Variants in ITGA2 observed in about 807,000 individuals in gnomAD.
ITGA2 encodes integrin subunit alpha 2, also known as integrin alpha-2.
In ITGA2, 101 loss-of-function variants were observed where a neutral mutation model predicts 146.3. The observed-to-expected ratio is 0.69, with a 90% CI of 0.59 to 0.81. The LOEUF is 0.81. ITGA2 is among the 40% of genes least tolerant of loss of function. The probability of loss-of-function intolerance (pLI) is 0.00; values close to 1 mark genes in which losing one functional copy is unlikely to be tolerated. For synonymous variants in ITGA2, 477 were observed against 487.1 expected, an observed-to-expected ratio of 0.98 and a Z score of 0.27; for missense variants, 1,281 against 1,402.7, an observed-to-expected ratio of 0.91 and a Z score of 1.39.
chr5:53,064,821 A>G (rs1005731475), intron 13 of ITGA2, 91 bp from the exon 14 acceptor site: 3 of 1,232,494 alleles, frequency 2.4e-6, no homozygotes, highest in South Asian at 1.2e-5. Context: ...TTGGGATTAC[A>G]GGCATGAGCC....
intron 29 of ITGA2, among the ~76,000 whole-genome samples, chr5:53,090,272 G>A (rs1336542670): frequency 6.6e-6 from 1 of 152,156 alleles, no homozygotes; most frequent in African/African-American, 2.4e-5. Context: ...CCAGAGCCCT[G>A]AATGTTTTGT....
In ITGA2 at chr5:53,048,623, T is replaced by C; in HGVS notation, c.503-20T>C. On this transcript the variant is annotated intron_variant, in intron 5 of 29. Coordinates refer to ENST00000296585, the MANE Select transcript of ITGA2 (RefSeq NM_002203.4). ...TGACTTACCTGTGGAAATCTGCTTC[T>C]TTCCTCTTTTCCTGTGTAGCCTGCC... 1.2e-6 allele frequency: 2 copies of C among 1,614,152 alleles called. No individual in the cohort carries two copies. Among genetic ancestry groups the C allele is most frequent in the Non-Finnish European group, 1.7e-6 (2 of 1,179,976 alleles).
chr5:53,005,744 T>C (rs1376497510), intron 1 of ITGA2, among the ~76,000 whole-genome samples: 1 of 152,194 alleles, frequency 6.6e-6, no homozygotes, highest in Non-Finnish European at 1.5e-5. Flanking sequence ...GAGAGTTTTA[T>C]ATGCATTGTC....
At chr5:53,012,799 G>A (rs1160465123) in intron 1 of ITGA2, among the ~76,000 whole-genome samples, 1 of 152,064 alleles carries the variant, frequency 6.6e-6, no homozygotes, top group Non-Finnish European at 1.5e-5. Context: ...TTGCTGACTG[G>A]TATGAGATGA....
Position 53,078,804 on chromosome 5 carries a change from C to A in ITGA2, c.2858C>A (p.Ser953Ter). 6.2e-7 allele frequency: 1 copy of A among 1,610,280 alleles called. No homozygotes were observed. The highest frequency in any genetic ancestry group is 1.1e-5 in the South Asian group (1 of 90,954). The stretch of plus-strand genomic sequence containing the variant: ...AACATAAATTTTTATGAAATCTCTT[C>A]GGATGGGAATGTTCCTTCAATCGTG... ...STNINFYEIS[S>*]DGNVPSIVHS... Residue 953 changes from serine to a stop codon, truncating the protein, a stop_gained, in exon 24 of 30, where the codon TCG (serine) becomes TAG (stop). Transcript: ENST00000296585. LOFTEE classifies it high-confidence loss of function.
intron 4 of ITGA2, among the ~76,000 whole-genome samples, chr5:53,045,313 GA>G (rs2111899063): frequency 6.6e-6 from 1 of 152,294 alleles, no homozygotes; most frequent in African/African-American, 2.4e-5. Flanking sequence ...ATGTTTTGAA[GA>G]AAAGGGAACA....
At chr5:52,997,111 C>T (rs2111673623) in intron 1 of ITGA2, among the ~76,000 whole-genome samples, 1 of 152,316 alleles carries the variant, frequency 6.6e-6, no homozygotes, top group South Asian at 2.1e-4. Flanking sequence ...ACGTAATTTA[C>T]ATTTTAGAAC....
chr5:53,076,192 G>T (rs1175650253), intron 23 of ITGA2, among the ~76,000 whole-genome samples: 1 of 151,920 alleles, frequency 6.6e-6, no homozygotes, highest in Non-Finnish European at 1.5e-5. Context: ...TTCTCTACCT[G>T]GTGAAGCAAT....
chr5:53,072,619 T>C lies in ITGA2; in HGVS notation c.2353T>C (p.Phe785Leu). The change falls in exon 19 of 30, where the codon TTC (phenylalanine) becomes CTC (leucine). Residue 785 changes from phenylalanine (F) to leucine (L), a missense_variant. This residue lies in a region of ITGA2 where 475 missense variants were observed against 530.5 expected (regional missense o/e 0.90). Coordinates refer to ENST00000296585, the MANE Select transcript of ITGA2 (RefSeq NM_002203.4). ...SETAKVFSIP[F>L]HKDCGEDGLC... ...CTTTTTTCCTTTTTCGTAGATTCCT[T>C]TCCACAAAGACTGTGGTGAGGACGG... is the stretch of plus-strand genomic sequence containing the variant. 1 of 1,610,088 alleles carries C rather than the reference T, an allele frequency of 6.2e-7. No individual in the cohort carries two copies. The highest frequency in any genetic ancestry group is 8.5e-7 in the Non-Finnish European group (1 of 1,177,884).
chr5:53,074,353 T>C (rs769339243), intron 20 of ITGA2, 32 bp from the exon 21 acceptor site: 1 of 1,568,378 alleles, frequency 6.4e-7, no homozygotes. Flanking sequence ...TGTATGCCAA[T>C]TGATCATTGT....
chr5:53,053,250 T>C (rs1265299414), intron 7 of ITGA2, among the ~76,000 whole-genome samples: 2 of 152,136 alleles, frequency 1.3e-5, no homozygotes, highest in African/African-American at 2.4e-5. Flanking sequence ...CTGGTGACAA[T>C]CCCAAATGTC....
At chr5:53,047,975 A>C (rs1026491745) in intron 4 of ITGA2, among the ~76,000 whole-genome samples, 2 of 152,218 alleles carry the variant, frequency 1.3e-5, no homozygotes, top group South Asian at 4.1e-4. Flanking sequence ...GGTTATCCTC[A>C]TTTTACAGAT....
rs761940327 is a variant in ITGA2 at position 53,055,707 on chromosome 5, C to T, written c.930+19C>T. 4 of 1,612,212 alleles carry T rather than the reference C, an allele frequency of 2.5e-6. No homozygotes were observed. On this transcript the variant is annotated intron_variant, in intron 8 of 29. Transcript: ENST00000296585. ...CATAGCAGTAAGTGGCTTTTCTTTT[C>T]ACTTGTCTTGCCGCTATTGGGTAAA... is the stretch of plus-strand genomic sequence containing the variant.
chr5:53,002,395 ATAAT>A (rs1432787705), intron 1 of ITGA2, among the ~76,000 whole-genome samples: 2 of 152,162 alleles, frequency 1.3e-5, no homozygotes, highest in African/African-American at 4.8e-5. Flanking sequence ...ACATACTAAA[ATAAT>A]TAACAGAAAA....
Position 53,065,985 on chromosome 5 carries a change from A to C in ITGA2, c.1943+8A>C, listed in dbSNP as rs2111977883. ...ACAAGTGGTTCAACTCTGGTGAGTC[A>C]GGAAGAGCCAGACACAAACTAACTA... On this transcript the variant is annotated splice_region_variant and intron_variant, in intron 15 of 29. Coordinates refer to ENST00000296585, the MANE Select transcript of ITGA2 (RefSeq NM_002203.4). 2 of 1,611,560 alleles carry C rather than the reference A, an allele frequency of 1.2e-6. No homozygotes were observed. The highest frequency in any genetic ancestry group is 1.1e-5 in the South Asian group (1 of 91,046).
At chr5:53,001,712 T>C (rs1044644730) in intron 1 of ITGA2, among the ~76,000 whole-genome samples, 6 of 151,394 alleles carry the variant, frequency 4.0e-5, no homozygotes, top group Non-Finnish European at 8.8e-5. Flanking sequence ...TCGTGCTGCA[T>C]GCCTGTAGTC....
At chr5:53,022,863 G>C (rs569725255) in intron 1 of ITGA2, among the ~76,000 whole-genome samples, 100 of 152,106 alleles carry the variant, frequency 6.6e-4, no homozygotes, top group Non-Finnish European at 1.1e-3. Context: ...ACTTATGCTT[G>C]ACTATCTGGT....
At chr5:53,075,371 T>A in intron 23 of ITGA2, 67 bp downstream of exon 23, 2 of 1,296,996 alleles carry the variant, frequency 1.5e-6, no homozygotes, top group Non-Finnish European at 2.2e-6. Context: ...TTTTGGCTCA[T>A]GGCTAAAGAA....
chr5:53,056,264 T>C (rs1365458473), intron 9 of ITGA2, 115 bp downstream of exon 9: 1 of 816,294 alleles, frequency 1.2e-6, no homozygotes, highest in African/African-American at 1.7e-5. Context: ...AAAGAGCTAC[T>C]ACAATCAGTA....
Sources: allele counts gnomAD v4.1 joint callset (sites outside exome capture counted in the v4.1 genomes callset), GRCh38; gene constraint gnomAD v4.1.1; regional missense constraint gnomAD v4.1.1; transcripts MANE v1.5; gene names NCBI Gene and HGNC (gene_info 2026-07-23, HGNC 2026-07-21).